The following FABP7 variants were observed in gnomAD, a reference collection of about 807,000 sequenced individuals.
The protein encoded by FABP7 is fatty acid-binding protein, brain.
A neutral mutation model predicts 14.2 loss-of-function variants in FABP7; 13 were observed. That is an observed-to-expected ratio of 0.91 (90% confidence interval 0.59 to 1.45). The LOEUF (loss-of-function observed/expected upper bound fraction) is 1.45. Ranked by LOEUF, FABP7 falls within the 40% of genes most tolerant of loss-of-function variation. FABP7 has a pLI of 0.00. For synonymous variants in FABP7, 49 were observed against 51.4 expected, an observed-to-expected ratio of 0.95 and a Z score of 0.20; for missense variants, 149 against 157.6, an observed-to-expected ratio of 0.95 and a Z score of 0.29.
At chr6:122,778,533 A>G (rs991492829), upstream of FABP7, among the ~76,000 whole-genome samples, 11 of 152,166 alleles carry the variant, frequency 7.2e-5, no homozygotes, top group Admixed American at 2.6e-4. Flanking sequence ...AGGGCAGGGA[A>G]TATCAAGTCG....
intron 1 of FABP7, 89 bp from the exon 2 acceptor site, chr6:122,780,202 C>A (rs1780748706): frequency 1.5e-6 from 2 of 1,351,910 alleles, no homozygotes; most frequent in Admixed American, 1.9e-5. Context: ...CACTTTAGAA[C>A]GTGGATTCCA....
the FABP7 span, among the ~76,000 whole-genome samples, chr6:122,760,742 C>T: frequency 3.3e-5 from 5 of 151,768 alleles, no homozygotes; most frequent in Admixed American, 6.6e-5. Context: ...TCTTAATTTG[C>T]TGTAACATTA....
chr6:122,754,916 C>A, the FABP7 span, among the ~76,000 whole-genome samples: 2 of 152,136 alleles, frequency 1.3e-5, no homozygotes, highest in Non-Finnish European at 1.5e-5. Context: ...ATGTTCTCCA[C>A]CTAAACTCAC....
the FABP7 span, among the ~76,000 whole-genome samples, chr6:122,753,234 T>A: frequency 6.6e-6 from 1 of 152,182 alleles, no homozygotes; most frequent in African/African-American, 2.4e-5. Flanking sequence ...TAGATATCTG[T>A]TTCGGAAATT....
At chr6:122,769,707 G>T in the FABP7 span, among the ~76,000 whole-genome samples, 1 of 152,034 alleles carries the variant, frequency 6.6e-6, no homozygotes, top group Admixed American at 6.6e-5. Flanking sequence ...GCATTTTCTT[G>T]AGTCTCGAAT....
At chr6:122,753,688 G>A in the FABP7 span, among the ~76,000 whole-genome samples, 2 of 151,594 alleles carry the variant, frequency 1.3e-5, no homozygotes, top group Admixed American at 1.3e-4. Context: ...CGAAAGCAGG[G>A]ATTTATTGAA....
In FABP7 at chr6:122,780,226, G is replaced by T. The variant is rs1028956491; in HGVS notation, c.74-65G>T. On this transcript the variant is annotated intron_variant, in intron 1 of 3. Coordinates refer to ENST00000368444, the MANE Select transcript of FABP7 (RefSeq NM_001446.5). ...ACGTGGATTCCAGAATCAGAAAGCA[G>T]ATTCTTGCTTTGTGAGTTATTTTGG... 2.7e-5 allele frequency: 42 copies of T among 1,527,646 alleles called. No individual in the cohort carries two copies. In the African/African-American group the frequency reaches 4.8e-4, roughly 17 times the overall value. 94.6% of individuals were successfully genotyped at this position (1,527,646 alleles called of 1,614,324 possible).
At chr6:122,763,933 C>A in the FABP7 span, among the ~76,000 whole-genome samples, 8 of 151,884 alleles carry the variant, frequency 5.3e-5, no homozygotes, top group Admixed American at 2.6e-4. Flanking sequence ...ACACTTTTAC[C>A]CTGTTAGTGG....
At chr6:122,765,921 T>C in the FABP7 span, among the ~76,000 whole-genome samples, 1 of 152,112 alleles carries the variant, frequency 6.6e-6, no homozygotes, top group African/African-American at 2.4e-5. Flanking sequence ...TACTACTTTA[T>C]TGTTTTTATA....
At chr6:122,750,003 A>G in the FABP7 span, among the ~76,000 whole-genome samples, 5 of 152,226 alleles carry the variant, frequency 3.3e-5, no homozygotes, top group East Asian at 3.8e-4. Flanking sequence ...ATGAATTGTG[A>G]TACCAGCTCA....
At chr6:122,775,057 A>C (rs1381748196), upstream of FABP7, among the ~76,000 whole-genome samples, 1 of 152,158 alleles carries the variant, frequency 6.6e-6, no homozygotes, top group Non-Finnish European at 1.5e-5. Context: ...TAGAAAAATA[A>C]TATTGTTAAA....
chr6:122,780,691 T>G (rs1395503266), intron 2 of FABP7, among the ~76,000 whole-genome samples: 1 of 152,216 alleles, frequency 6.6e-6, no homozygotes, highest in Non-Finnish European at 1.5e-5. Context: ...CATATACTGT[T>G]CACATTTTAT....
Position 122,783,981 on chromosome 6 carries a change from TCC to T in FABP7, c.*224_*225del, listed in dbSNP as rs2243373. ...TTTTATAATTTGAATTAAAGTTTTG[TCC>T]CCCCCCCCCTTTTTTTTATAAACAA... is the stretch of plus-strand genomic sequence containing the variant. On this transcript the variant is annotated 3_prime_UTR_variant, in exon 4 of 4. Transcript: ENST00000368444. 7,643 of 282,882 alleles carry T rather than the reference TCC, an allele frequency of 0.027. 83 individuals carry two copies. The highest frequency in any genetic ancestry group is 0.054 in the Admixed American group (951 of 17,578). 17.5% of individuals were successfully genotyped at this position (282,882 alleles called of 1,614,324 possible). A position where few individuals can be genotyped will look rare whatever the true frequency, so the allele number is the denominator to read the frequency against.
chr6:122,777,860 A>ATAAATAAATAAATAAATAAATAAT, upstream of FABP7, among the ~76,000 whole-genome samples: 1 of 151,038 alleles, frequency 6.6e-6, no homozygotes, highest in South Asian at 2.1e-4. Context: ...AAATAAATAA[A>ATAAATAAATAAATAAATAAATAAT]TAAATAAATA....
At chr6:122,755,473 T>C in the FABP7 span, among the ~76,000 whole-genome samples, 9 of 150,256 alleles carry the variant, frequency 6.0e-5, no homozygotes, top group African/African-American at 2.2e-4. Flanking sequence ...TTTTTTTTTT[T>C]TTTGAGACGG....
At chr6:122,771,400 C>A in the FABP7 span, among the ~76,000 whole-genome samples, 13 of 152,236 alleles carry the variant, frequency 8.5e-5, no homozygotes, top group African/African-American at 3.1e-4. Context: ...AGCTACCTAC[C>A]TGTTAATCAT....
chr6:122,768,322 A>G, the FABP7 span, among the ~76,000 whole-genome samples: 2 of 152,164 alleles, frequency 1.3e-5, no homozygotes, highest in African/African-American at 4.8e-5. Flanking sequence ...ACCTATGACC[A>G]ATCAATGATC....
At chr6:122,757,336 A>G in the FABP7 span, among the ~76,000 whole-genome samples, 1 of 152,012 alleles carries the variant, frequency 6.6e-6, no homozygotes, top group Non-Finnish European at 1.5e-5. Context: ...CTCACTTTTT[A>G]TATGTGGGAC....
At chr6:122,750,357 T>C in the FABP7 span, among the ~76,000 whole-genome samples, 1 of 152,182 alleles carries the variant, frequency 6.6e-6, no homozygotes, top group Non-Finnish European at 1.5e-5. Flanking sequence ...AAAATATTAA[T>C]AATTATTATG....
Sources: gnomAD v4.1 joint callset for allele counts (sites outside exome capture counted in the v4.1 genomes callset) on GRCh38, gnomAD v4.1.1 for gene constraint, MANE v1.5 for transcripts, NCBI Gene and HGNC (gene_info 2026-07-23, HGNC 2026-07-21) for gene names.